ATOSA: variants seen among roughly 807,000 people sequenced by gnomAD.
The protein encoded by ATOSA is atos homolog A, also known as atos homolog protein A.
chr15:52,616,978 G>A, the ATOSA span, among the ~76,000 whole-genome samples: 1 of 152,060 alleles, frequency 6.6e-6, no homozygotes, highest in Non-Finnish European at 1.5e-5. Flanking sequence ...GTAATCAAAA[G>A]CACCTTGACT....
chr15:52,625,126 C>CCTAAA, the ATOSA span, among the ~76,000 whole-genome samples: 1 of 151,946 alleles, frequency 6.6e-6, no homozygotes, highest in Admixed American at 6.6e-5. Flanking sequence ...TAGAAATCAT[C>CCTAAA]CTAACCTAAC....
At chr15:52,635,518 T>A in the ATOSA span, among the ~76,000 whole-genome samples, 20 of 151,524 alleles carry the variant, frequency 1.3e-4, no homozygotes, top group African/African-American at 4.1e-4. Flanking sequence ...CAAAATAAGA[T>A]CCCTGCCTCT....
the ATOSA span, chr15:52,610,421 T>A: frequency 1.9e-6 from 3 of 1,549,316 alleles, no homozygotes; most frequent in African/African-American, 4.1e-5. Context: ...TATTGGATTA[T>A]AAAGGTTAGA....
At chr15:52,649,600 A>G in the ATOSA span, 2 of 152,142 alleles carry the variant, frequency 1.3e-5, no homozygotes, top group African/African-American at 4.8e-5. Flanking sequence ...GGCAAAAACA[A>G]AAAAGAAATC....
At chr15:52,701,101 C>T in the ATOSA span, among the ~76,000 whole-genome samples, 35 of 152,104 alleles carry the variant, frequency 2.3e-4, 1 homozygote, top group African/African-American at 8.0e-4. Flanking sequence ...AAATATACAA[C>T]AAAGCCTCTA....
At chr15:52,699,543 G>T in the ATOSA span, among the ~76,000 whole-genome samples, 3 of 151,132 alleles carry the variant, frequency 2.0e-5, no homozygotes, top group African/African-American at 7.3e-5. Context: ...CCTCAGTAAG[G>T]CCTCTTCACC....
the ATOSA span, among the ~76,000 whole-genome samples, chr15:52,615,189 TG>T: frequency 6.6e-6 from 1 of 152,204 alleles, no homozygotes; most frequent in East Asian, 1.9e-4. Context: ...ATGTGGAGTG[TG>T]GTATTCTGGT....
At chr15:52,609,745 T>C in the ATOSA span, 2 of 1,613,762 alleles carry the variant, frequency 1.2e-6, no homozygotes, top group Non-Finnish European at 1.7e-6. Context: ...TCCAGAAACA[T>C]GTGAAGTGCT....
At chr15:52,623,957 C>G in the ATOSA span, among the ~76,000 whole-genome samples, 9 of 152,188 alleles carry the variant, frequency 5.9e-5, no homozygotes, top group Admixed American at 5.2e-4. Context: ...TGCTTCTCTT[C>G]TAAGTCTATG....
At chr15:52,617,818 T>A in the ATOSA span, among the ~76,000 whole-genome samples, 1 of 149,300 alleles carries the variant, frequency 6.7e-6, no homozygotes, top group Non-Finnish European at 1.5e-5. Context: ...CTAATTTATA[T>A]ATAATAATAA....
chr15:52,645,352 T>C, the ATOSA span, among the ~76,000 whole-genome samples: 1 of 152,122 alleles, frequency 6.6e-6, no homozygotes, highest in African/African-American at 2.4e-5. Flanking sequence ...GGCGGTAGGA[T>C]TGCTTGAACC....
the ATOSA span, among the ~76,000 whole-genome samples, chr15:52,693,807 G>A: frequency 6.6e-6 from 1 of 152,162 alleles, no homozygotes; most frequent in African/African-American, 2.4e-5. Context: ...ACAGTGAAAT[G>A]CTTACTCTAA....
the ATOSA span, among the ~76,000 whole-genome samples, chr15:52,709,221 T>C: frequency 7.2e-5 from 11 of 152,178 alleles, no homozygotes. Context: ...GATTGATCAT[T>C]TTGAAGTTTT....
chr15:52,638,555 ATGAGGCATGGTGG>A, the ATOSA span, among the ~76,000 whole-genome samples: 1 of 152,120 alleles, frequency 6.6e-6, no homozygotes, highest in East Asian at 1.9e-4. Flanking sequence ...TTAGCTGGGC[ATGAGGCATGGTGG>A]TGAGCACCTG....
At chr15:52,608,657 T>C in the ATOSA span, 1 of 1,612,002 alleles carries the variant, frequency 6.2e-7, no homozygotes, top group South Asian at 1.1e-5. Context: ...TTTTCATTAG[T>C]TGGATCTTCT....
chr15:52,658,094 T>A, the ATOSA span: 6 of 152,228 alleles, frequency 3.9e-5, no homozygotes, highest in African/African-American at 1.4e-4. Flanking sequence ...CCATATCATA[T>A]TCAACAAACA....
At chr15:52,582,586 T>C in the ATOSA span, among the ~76,000 whole-genome samples, 7 of 152,310 alleles carry the variant, frequency 4.6e-5, no homozygotes, top group Admixed American at 3.9e-4. Flanking sequence ...AAATCTTACT[T>C]TTCCTCCCTG....
chr15:52,609,940 T>A, the ATOSA span: 1 of 1,611,656 alleles, frequency 6.2e-7, no homozygotes, highest in South Asian at 1.1e-5. Context: ...TGATTTTATA[T>A]CACCTATACC....
At chr15:52,697,951 T>G in the ATOSA span, among the ~76,000 whole-genome samples, 1 of 138,884 alleles carries the variant, frequency 7.2e-6, no homozygotes, top group African/African-American at 2.6e-5. Flanking sequence ...TTTTCAGGGA[T>G]GTAGAATTTT....
Sources: allele counts gnomAD v4.1 joint callset (sites outside exome capture counted in the v4.1 genomes callset), GRCh38; gene constraint gnomAD v4.1.1; transcripts MANE v1.5; gene names NCBI Gene and HGNC (gene_info 2026-07-23, HGNC 2026-07-21).